Variants in MYH8 observed in about 807,000 individuals in gnomAD.
MYH8 encodes myosin heavy chain 8, also known as myosin-8.
In MYH8, 168 loss-of-function variants were observed where a neutral mutation model predicts 233.2. The ratio of observed to expected loss-of-function variants is 0.72; its 90% CI spans 0.64 to 0.82. The LOEUF is 0.82. Among genes scored for constraint, MYH8 ranks in the 40% least tolerant of loss-of-function variants. The probability of loss-of-function intolerance (pLI) is 0.00; values close to 1 mark genes in which losing one functional copy is unlikely to be tolerated. For synonymous variants in MYH8, 785 were observed against 850.6 expected (o/e 0.92, Z 1.34); for missense variants, 1,995 against 2,327.8 (o/e 0.86, Z 2.94).
In MYH8 at chr17:10,415,433, A is replaced by T. The variant is rs1212793203; in HGVS notation, c.648+39T>A. 1 of 1,613,316 alleles carries T rather than the reference A, an allele frequency of 6.2e-7. No individual in the cohort carries two copies. On this transcript the variant is annotated intron_variant, in intron 7 of 39. Transcript: ENST00000403437. This position sits in a 1 kb window ranked among gnomAD's most constrained non-coding sequence, Gnocchi z 4.1. ...ACATCTGGGACTCCAGATGTCTGAGAGCCTTGACAGAGGTTTTGACTCTGG... is the reference window on the plus strand; with the variant it reads ...ACATCTGGGACTCCAGATGTCTGAGTGCCTTGACAGAGGTTTTGACTCTGG...
Position 10,406,924 on chromosome 17 carries a change from C to T in MYH8, c.2021G>A (p.Arg674Gln), listed in dbSNP as rs121434590. 1.9e-6 allele frequency: 3 copies of T among 1,613,870 alleles called. No individual in the cohort carries two copies. Among genetic ancestry groups the T allele is most frequent in the South Asian group, 1.1e-5 (1 of 91,066 alleles). The part of the protein sequence containing the change: ...NLRSTHPHFV[R>Q]CIIPNETKTP... The stretch of plus-strand genomic sequence containing the variant: ...TTTGGTTTCATTGGGAATGATACAC[C>T]GTACGAAGTGAGGGTGTGTGCTCCT... The change falls in exon 18 of 40, where the codon CGG becomes CAG. Residue 674 changes from arginine to glutamine, a missense_variant. Arg to Gln is a conservative substitution (Grantham distance 43, BLOSUM62 1). Transcript: ENST00000403437.
In MYH8 at chr17:10,390,571, G is replaced by T; in HGVS notation, c.5697C>A (p.Phe1899Leu). 6.2e-7 allele frequency: 1 copy of T among 1,614,208 alleles called. No homozygotes were observed. Among genetic ancestry groups the T allele is most frequent in the South Asian group, 1.1e-5 (1 of 91,088 alleles). The change falls in exon 40 of 40, where the codon TTC becomes TTA. Residue 1899 changes from phenylalanine to leucine, a missense_variant. Phe to Leu is a conservative substitution (Grantham distance 22). Transcript: ENST00000403437. The stretch of plus-strand genomic sequence containing the variant: ...CCTCCAGCTCATGCTGGAGTTTGCG[G>T]AATTTAGATAGATTAGCATTGGATT... ...EEQSNANLSKFRKLQHELEEA... is the reference protein window; with the variant it reads ...EEQSNANLSKLRKLQHELEEA...
chr17:10,416,900 A>G (rs933580566), intron 5 of MYH8, among the ~76,000 whole-genome samples: 6 of 152,242 alleles, frequency 3.9e-5, no homozygotes, highest in African/African-American at 1.4e-4. Flanking sequence ...TTTTGAAGGC[A>G]TAAAAGATCT....
In MYH8 at chr17:10,396,533, G is replaced by A. The variant is rs2072079948; in HGVS notation, c.4528+20C>T. ...GTCCTCCCAGGGATATATGGAGTAGGGAGGACTGTGAGGACTCACGTTGCA... is the reference window on the plus strand; with the variant it reads ...GTCCTCCCAGGGATATATGGAGTAGAGAGGACTGTGAGGACTCACGTTGCA... On this transcript the variant is annotated intron_variant, in intron 32 of 39. Coordinates refer to ENST00000403437, the MANE Select transcript of MYH8 (RefSeq NM_002472.3). This position sits in a 1 kb window ranked among gnomAD's most constrained non-coding sequence, Gnocchi z 4.2. The A allele has an allele frequency of 6.2e-7, 1 of 1,613,866 alleles. No homozygotes were observed.
In MYH8 at chr17:10,401,325, C is replaced by T. The variant is rs1567684226; in HGVS notation, c.3058G>A (p.Val1020Ile). Residue 1020 changes from valine to isoleucine, a missense_variant, in exon 24 of 40, where the codon GTC (valine) becomes ATC (isoleucine). Val to Ile is a conservative substitution (Grantham distance 29). Around this residue, in one of 3 missense-constraint regions of MYH8, gnomAD observed 1,498 missense variants for 1,680.9 expected, o/e 0.89. Coordinates refer to ENST00000403437, the MANE Select transcript of MYH8 (RefSeq NM_002472.3). ...LDDLQAEEDK[V>I]NILTKAKTKL... Reference sequence around the variant, plus strand: ...GTTTTAGCTTTGGTCAGGATGTTGACTTTGTCCTCCTCTGCCTGCAGGTCA... The same window carrying T: ...GTTTTAGCTTTGGTCAGGATGTTGATTTTGTCCTCCTCTGCCTGCAGGTCA... The T allele has an allele frequency of 1.2e-6, 2 of 1,614,166 alleles. No homozygotes were observed. The highest frequency in any genetic ancestry group is 1.1e-5 in the South Asian group (1 of 91,080).
intron 14 of MYH8, 30 bp from the exon 15 acceptor site, chr17:10,410,977 C>G: frequency 6.2e-7 from 1 of 1,613,978 alleles, no homozygotes; most frequent in East Asian, 2.2e-5. Flanking sequence ...TTTCCAACAT[C>G]AAATGAGTTT....
chr17:10,407,020 T>C (rs765931283), intron 17 of MYH8, 41 bp from the exon 18 acceptor site: 30 of 1,517,676 alleles, frequency 2.0e-5, no homozygotes, highest in East Asian at 2.3e-5. Flanking sequence ...AAAAGTTCTA[T>C]TTCAGGTTGT....
At position 10,415,009 on chromosome 17, in the gene MYH8, C is replaced by G; in HGVS notation, c.805+107G>C. 2.0e-6 allele frequency: 2 copies of G among 1,021,350 alleles called. No individual in the cohort carries two copies. Among genetic ancestry groups the G allele is most frequent in the Admixed American group, 1.7e-5 (1 of 59,224 alleles). The allele number at this position is 1,021,350 out of a possible 1,614,324, so 63.3% of individuals were successfully genotyped here. ...ATTAGCTTACAGGCAGTACTGGCAGCAGACTACCCTTTTAACAGGCTTCAT... is the reference window on the plus strand; with the variant it reads ...ATTAGCTTACAGGCAGTACTGGCAGGAGACTACCCTTTTAACAGGCTTCAT... On this transcript the variant is annotated intron_variant, in intron 9 of 39. Coordinates refer to ENST00000403437, the MANE Select transcript of MYH8 (RefSeq NM_002472.3). This position sits in a 1 kb window ranked among gnomAD's most constrained non-coding sequence, Gnocchi z 4.1.
rs376000822 is a variant in MYH8, at chr17:10,409,242, G to A, written c.1897+37C>T. The stretch of plus-strand genomic sequence containing the variant: ...GAACATGTATTATAACATTATGTGA[G>A]AATGGATTTAATTTAGATTAAGGAC... On this transcript the variant is annotated intron_variant, in intron 16 of 39. Coordinates refer to ENST00000403437, the MANE Select transcript of MYH8 (RefSeq NM_002472.3). 4 of 1,613,248 alleles carry A rather than the reference G, an allele frequency of 2.5e-6. No individual in the cohort carries two copies. The African/African-American group carries it at 5.3e-5, about 22-fold the overall frequency.
rs12936716 is a variant in MYH8 at position 10,406,929 on chromosome 17, G to T, written c.2016C>A (p.Phe672Leu). 6.2e-7 allele frequency: 1 copy of T among 1,613,910 alleles called. No homozygotes were observed. The highest frequency in any genetic ancestry group is 8.5e-7 in the Non-Finnish European group (1 of 1,179,854). ...MTNLRSTHPHFVRCIIPNETK... is the reference protein window; with the variant it reads ...MTNLRSTHPHLVRCIIPNETK... ...TTTCATTGGGAATGATACACCGTAC[G>T]AAGTGAGGGTGTGTGCTCCTCAGAT... The change falls in exon 18 of 40, where the codon TTC (phenylalanine) becomes TTA (leucine). Residue 672 changes from phenylalanine to leucine, a missense_variant. By Grantham distance (22) the Phe-to-Leu change is conservative. Coordinates refer to ENST00000403437, the MANE Select transcript of MYH8 (RefSeq NM_002472.3).
chr17:10,415,735 T>TA lies in MYH8; in HGVS notation c.512-28dup, dbSNP rs369717750. On this transcript the variant is annotated intron_variant, in intron 5 of 39. Transcript: ENST00000403437. This position sits in a 1 kb window ranked among gnomAD's most constrained non-coding sequence, Gnocchi z 4.1. Reference sequence around the variant, plus strand: ...TGTGAAAGAATTCAAAATCATCCGTTAAAAAATGCATATTTAATATGAAGA... The same window carrying TA: ...TGTGAAAGAATTCAAAATCATCCGTTAAAAAAATGCATATTTAATATGAAGA... The TA allele has an allele frequency of 8.0e-5, 128 of 1,606,836 alleles. No individual in the cohort carries two copies. In the African/African-American group the frequency reaches 1.5e-3, roughly 19 times the overall value.
rs751779433 is a variant in MYH8, at chr17:10,406,361, T to C, written c.2208A>G (p.Gly736=). ...AAGCCTTCTTGCTGTCAATGAACTG[T>C]CCCTCTGGAATAGCACTTGCATTTA... The part of the protein sequence containing the change: ...KVLNASAIPE[G]QFIDSKKASE... The change falls in exon 20 of 40, where the codon GGA becomes GGG. Residue 736 remains glycine, a synonymous_variant. Transcript: ENST00000403437. 6.2e-6 allele frequency: 10 copies of C among 1,613,840 alleles called. No individual in the cohort carries two copies. The highest frequency in any genetic ancestry group is 4.2e-6 in the Non-Finnish European group (5 of 1,179,880).
At chr17:10,408,234 C>T (rs1479780955) in intron 17 of MYH8, among the ~76,000 whole-genome samples, 4 of 152,024 alleles carry the variant, frequency 2.6e-5, no homozygotes, top group Admixed American at 6.6e-5. Flanking sequence ...CCACTGCGCC[C>T]GGCCAAGAAG....
chr17:10,400,683 C>A lies in MYH8; in HGVS notation c.3442G>T (p.Glu1148Ter). Residue 1148 changes from glutamate (E) to a stop codon, truncating the protein, a stop_gained, in exon 27 of 40, where the codon GAG becomes TAG. Transcript: ENST00000403437. LOFTEE classifies it high-confidence loss of function. This position sits in a 1 kb window ranked among gnomAD's most constrained non-coding sequence, Gnocchi z 4.0. Reference protein sequence around the residue: ...QRSDLSRELEEISERLEEAGG... With the variant: ...QRSDLSRELE ...GCTTCTTCCAGCCTCTCGCTGATCT[C>A]CTCCAGTTCCCGGGAGAGGTCAGAG... 6.2e-7 allele frequency: 1 copy of A among 1,614,194 alleles called. No homozygotes were observed. The highest frequency in any genetic ancestry group is 8.5e-7 in the Non-Finnish European group (1 of 1,180,040).
chr17:10,415,750 T>TACTCTTCATATTA lies in MYH8; in HGVS notation c.512-43_512-42insTAATATGAAGAGT. 6.3e-7 allele frequency: 1 copy of TACTCTTCATATTA among 1,580,552 alleles called. No individual in the cohort carries two copies. Among genetic ancestry groups the TACTCTTCATATTA allele is most frequent in the Non-Finnish European group, 8.7e-7 (1 of 1,154,628 alleles). ...AATCATCCGTTAAAAAATGCATATT[T>TACTCTTCATATTA]AATATGAAGAGTATTGAATCAGTTC... On this transcript the variant is annotated intron_variant, in intron 5 of 39. Transcript: ENST00000403437. This position sits in a 1 kb window ranked among gnomAD's most constrained non-coding sequence, Gnocchi z 4.1.
intron 33 of MYH8, among the ~76,000 whole-genome samples, chr17:10,395,766 C>A (rs1206729922): frequency 6.6e-6 from 1 of 151,802 alleles, no homozygotes; most frequent in African/African-American, 2.4e-5. Flanking sequence ...TATACTAGCC[C>A]CTGACCTAGA....
At position 10,415,661 on chromosome 17, in the gene MYH8, G is replaced by C. The variant is rs745448787; in HGVS notation, c.539+20C>G. The C allele has an allele frequency of 9.3e-6, 15 of 1,613,776 alleles. No individual in the cohort carries two copies. Among genetic ancestry groups the C allele is most frequent in the East Asian group, 2.2e-5 (1 of 44,868 alleles). The stretch of plus-strand genomic sequence containing the variant: ...TCTAAGACAATCCTTGCAAATCAGA[G>C]AAGAAAAAAAATCACATACGTGATC... On this transcript the variant is annotated intron_variant, in intron 6 of 39. Coordinates refer to ENST00000403437, the MANE Select transcript of MYH8 (RefSeq NM_002472.3). This position sits in a 1 kb window ranked among gnomAD's most constrained non-coding sequence, Gnocchi z 4.1.
In MYH8 at chr17:10,400,259, A is replaced by T. The variant is rs896006056; in HGVS notation, c.3735+131T>A. ...CATAACCAGCATTTTAAAAAATACC[A>T]TAGAATGGGATATATTTGGTTAGAA... On this transcript the variant is annotated intron_variant, in intron 27 of 39. Transcript: ENST00000403437. The surrounding 1 kb of genome is among the most constrained non-coding windows in gnomAD (Gnocchi z 4.0). The T allele has an allele frequency of 6.5e-6, 8 of 1,238,948 alleles. No homozygotes were observed. The highest frequency in any genetic ancestry group is 9.4e-6 in the Non-Finnish European group (8 of 855,010). 76.7% of individuals were successfully genotyped at this position (1,238,948 alleles called of 1,614,324 possible). A position where few individuals can be genotyped will look rare whatever the true frequency, so the allele number is the denominator to read the frequency against.
In MYH8 at chr17:10,409,410, A is replaced by T. The variant is rs764299420; in HGVS notation, c.1766T>A (p.Val589Glu). The change falls in exon 16 of 40, where the codon GTG becomes GAG. Residue 589 changes from valine (V) to glutamate (E), a missense_variant. Coordinates refer to ENST00000403437, the MANE Select transcript of MYH8 (RefSeq NM_002472.3). ...CAGCCAGCCAGTAATGTTGTAGTCC[A>T]CAGTGCCAGCATAGTGAATCAGAGA... The part of the protein sequence containing the change: ...HFSLIHYAGT[V>E]DYNITGWLDK... 6.2e-7 allele frequency: 1 copy of T among 1,614,210 alleles called. No homozygotes were observed. Among genetic ancestry groups the T allele is most frequent in the Non-Finnish European group, 8.5e-7 (1 of 1,180,026 alleles).
Sources: gnomAD v4.1 joint callset for allele counts (sites outside exome capture counted in the v4.1 genomes callset) on GRCh38, gnomAD v4.1.1 for gene constraint, gnomAD v4.1.1 regional missense constraint, Gnocchi (gnomAD v3.1) non-coding constraint, MANE v1.5 for transcripts, NCBI Gene and HGNC (gene_info 2026-07-23, HGNC 2026-07-21) for gene names.